LRRC7: variants seen among roughly 807,000 people sequenced by gnomAD.
The protein encoded by LRRC7 is leucine-rich repeat-containing protein 7.
A neutral mutation model predicts 175.7 loss-of-function variants in LRRC7; 23 were observed. That is an observed-to-expected ratio of 0.13 (90% CI 0.09 to 0.19). The LOEUF (loss-of-function observed/expected upper bound fraction) is 0.19. Ranked by LOEUF, LRRC7 falls within the 10% of genes least tolerant of loss-of-function variation. LRRC7 has a pLI of 1.00. For synonymous variants in LRRC7, 685 were observed against 680.9 expected, an observed-to-expected ratio of 1.01 and a Z score of -0.09; for missense variants, 1,354 against 1,904.7, an observed-to-expected ratio of 0.71 and a Z score of 5.38.
intron 1 of LRRC7, among the ~76,000 whole-genome samples, chr1:69,656,581 A>G (rs548954541): frequency 2.0e-5 from 3 of 152,130 alleles, no homozygotes; most frequent in Admixed American, 1.3e-4. Flanking sequence ...TGAAATACCC[A>G]TAAACTTAAG....
chr1:69,696,590 A>AT (rs1662617117), intron 2 of LRRC7, among the ~76,000 whole-genome samples: 1 of 151,534 alleles, frequency 6.6e-6, no homozygotes, highest in South Asian at 2.1e-4. Flanking sequence ...TGGCTTAGAT[A>AT]TTTTCTCCCC....
intron 2 of LRRC7, among the ~76,000 whole-genome samples, chr1:69,744,341 G>T (rs905063051): frequency 6.6e-6 from 1 of 151,766 alleles, no homozygotes; most frequent in African/African-American, 2.4e-5. Flanking sequence ...GACTGAGTAG[G>T]TGGTGCAGGT....
chr1:69,880,154 T>C (rs1257964083), intron 7 of LRRC7, among the ~76,000 whole-genome samples: 1 of 152,160 alleles, frequency 6.6e-6, no homozygotes, highest in Non-Finnish European at 1.5e-5. Flanking sequence ...TGGGATAAAA[T>C]GGAGATTTTT....
intron 7 of LRRC7, among the ~76,000 whole-genome samples, chr1:69,901,107 T>C (rs1427258041): frequency 2.0e-5 from 3 of 152,126 alleles, no homozygotes; most frequent in African/African-American, 7.2e-5. Flanking sequence ...TATTTTGGGG[T>C]TTACTCTGGT....
intron 7 of LRRC7, among the ~76,000 whole-genome samples, chr1:69,860,482 A>T (rs967523122): frequency 2.0e-5 from 3 of 152,018 alleles, no homozygotes; most frequent in Non-Finnish European, 4.4e-5. Flanking sequence ...TCTGAGTAGA[A>T]ATAACGATGA....
chr1:69,984,572 C>T (rs561515389), intron 9 of LRRC7, among the ~76,000 whole-genome samples: 13 of 152,072 alleles, frequency 8.5e-5, no homozygotes, highest in Non-Finnish European at 1.6e-4. Flanking sequence ...TCCTCTAGTC[C>T]GTGTCCCGCC....
intron 1 of LRRC7, among the ~76,000 whole-genome samples, chr1:69,673,222 A>C (rs924223484): frequency 6.6e-6 from 1 of 152,224 alleles, no homozygotes; most frequent in Non-Finnish European, 1.5e-5. Flanking sequence ...AATCTTTAGT[A>C]CTGGGAAAAT....
intron 1 of LRRC7, chr1:69,607,512 T>C (rs1004092923): frequency 1.3e-5 from 2 of 152,156 alleles, no homozygotes; most frequent in Non-Finnish European, 1.5e-5. Context: ...CTGTCACTTT[T>C]TCTGCCTTAT....
chr1:69,962,055 C>T (rs202041064), intron 8 of LRRC7, among the ~76,000 whole-genome samples: 7 of 152,012 alleles, frequency 4.6e-5, no homozygotes, highest in Non-Finnish European at 7.4e-5. Context: ...AACAGACAAT[C>T]TACAGAATGG....
At chr1:69,712,063 A>G (rs974933934) in intron 2 of LRRC7, among the ~76,000 whole-genome samples, 1 of 152,188 alleles carries the variant, frequency 6.6e-6, no homozygotes, top group African/African-American at 2.4e-5. Context: ...CAGAAATGCC[A>G]CTAAAAAGAG....
At chr1:69,863,873 A>G (rs1684625166) in intron 7 of LRRC7, among the ~76,000 whole-genome samples, 1 of 152,120 alleles carries the variant, frequency 6.6e-6, no homozygotes, top group Non-Finnish European at 1.5e-5. Flanking sequence ...CTTCAATGAC[A>G]TTCAAGAAAA....
intron 3 of LRRC7, among the ~76,000 whole-genome samples, chr1:69,778,151 C>T (rs546288905): frequency 1.3e-5 from 2 of 152,306 alleles, no homozygotes; most frequent in Admixed American, 6.5e-5. Flanking sequence ...TCACTTCCTC[C>T]CACAGCCTTC....
chr1:69,775,831 A>G (rs1672749435), intron 3 of LRRC7, among the ~76,000 whole-genome samples: 1 of 152,192 alleles, frequency 6.6e-6, no homozygotes. Flanking sequence ...ATACTGTGGC[A>G]GAAAAGTTTA....
intron 1 of LRRC7, among the ~76,000 whole-genome samples, chr1:69,600,874 C>T (rs2094039): frequency 0.24 from 33,186 of 136,588 alleles, 4,200 homozygotes; most frequent in African/African-American, 0.32. Flanking sequence ...TGCAATCGCA[C>T]GCTCTCGGCT....
At chr1:69,683,832 T>G (rs1660792033) in intron 2 of LRRC7, among the ~76,000 whole-genome samples, 1 of 152,074 alleles carries the variant, frequency 6.6e-6, no homozygotes, top group South Asian at 2.1e-4. Context: ...AAATCTTTAC[T>G]GGAGTCAATA....
chr1:69,697,172 GT>G (rs1662716243), intron 2 of LRRC7, among the ~76,000 whole-genome samples: 1 of 151,996 alleles, frequency 6.6e-6, no homozygotes, highest in Non-Finnish European at 1.5e-5. Flanking sequence ...TAATCAACTA[GT>G]TTTTCTATTT....
At chr1:70,022,276 A>C (rs1657590690) in intron 16 of LRRC7, 1 of 152,194 alleles carries the variant, frequency 6.6e-6, no homozygotes, top group Non-Finnish European at 1.5e-5. Context: ...AGAACATTTC[A>C]GTTCTTTTAC....
intron 23 of LRRC7, among the ~76,000 whole-genome samples, chr1:70,054,104 A>G (rs904341053): frequency 1.3e-5 from 2 of 152,184 alleles, no homozygotes; most frequent in African/African-American, 4.8e-5. Context: ...CATTCCATCA[A>G]TTCTCCTCTT....
chr1:69,984,543 A>C (rs1386441499), intron 9 of LRRC7, among the ~76,000 whole-genome samples: 1 of 152,090 alleles, frequency 6.6e-6, no homozygotes, highest in South Asian at 2.1e-4. Context: ...GAAAATGAGG[A>C]CCTTTGCCCT....
Sources: allele counts gnomAD v4.1 joint callset (sites outside exome capture counted in the v4.1 genomes callset), GRCh38; gene constraint gnomAD v4.1.1; transcripts MANE v1.5; gene names NCBI Gene and HGNC (gene_info 2026-07-23, HGNC 2026-07-21).